IPO5: variants seen among roughly 807,000 people sequenced by gnomAD.
The protein encoded by IPO5 is importin 5, also known as importin-5.
A neutral mutation model predicts 143.3 loss-of-function variants in IPO5; 18 were observed. The observed-to-expected ratio is 0.13, with a 90% CI of 0.09 to 0.19. IPO5 has a LOEUF of 0.19. Among genes scored for constraint, IPO5 ranks in the 10% least tolerant of loss-of-function variants. The pLI is 1.00. For missense variants in IPO5, 1,013 were observed against 1,336.9 expected (o/e 0.76, Z 3.78); for synonymous variants, 477 against 465.7 (o/e 1.02, Z -0.31).
intron 3 of IPO5, among the ~76,000 whole-genome samples, chr13:97,972,235 A>T (rs1361104674): frequency 6.6e-6 from 1 of 152,234 alleles, no homozygotes; most frequent in Non-Finnish European, 1.5e-5. Flanking sequence ...GCACTCTGCA[A>T]ACCAGAAAGG....
At chr13:97,989,014 T>A (rs1230349558) in intron 6 of IPO5, 48 bp from the exon 7 acceptor site, 1 of 1,036,538 alleles carries the variant, frequency 9.6e-7, no homozygotes. Context: ...CCTAGTATAT[T>A]GAAGTTCTGA....
Position 98,018,640 on chromosome 13 carries a change from A to G in IPO5, c.2772A>G (p.Ala924=). The change falls in exon 26 of 29, where the codon GCA becomes GCG. Residue 924 remains alanine (A), a synonymous_variant. Transcript: ENST00000651721. ...VCDNSPEVRQ[A]AAYGLGVMAQ... The stretch of plus-strand genomic sequence containing the variant: ...ACAACAGCCCAGAAGTCAGGCAAGC[A>G]GCTGCATATGGCCTGGGAGTCATGG... The G allele has an allele frequency of 6.2e-7, 1 of 1,614,232 alleles. No homozygotes were observed. The highest frequency in any genetic ancestry group is 8.5e-7 in the Non-Finnish European group (1 of 1,180,034).
chr13:97,985,783 G>C (rs1887290528), intron 6 of IPO5, among the ~76,000 whole-genome samples, 170 bp downstream of exon 6: 1 of 151,906 alleles, frequency 6.6e-6, no homozygotes, highest in African/African-American at 2.4e-5. Context: ...ATTACAGATA[G>C]ATGTTTGTGA....
intron 21 of IPO5, 27 bp from the exon 22 acceptor site, chr13:98,014,015 T>C (rs1049899402): frequency 7.3e-5 from 117 of 1,592,398 alleles, no homozygotes; most frequent in Non-Finnish European, 9.7e-5. Flanking sequence ...TAATAAACAG[T>C]CTTTTGAGGT....
Position 98,021,737 on chromosome 13 carries a change from C to G in IPO5, c.3209C>G (p.Thr1070Ser). ...RLANVVRQVQTSGGLWTECIA... is the reference protein window; with the variant it reads ...RLANVVRQVQSSGGLWTECIA... ...CTGTGAAAATGTTTCTTTCCCTAGACTTCTGGAGGACTGTGGACTGAGTGC... is the reference window on the plus strand; with the variant it reads ...CTGTGAAAATGTTTCTTTCCCTAGAGTTCTGGAGGACTGTGGACTGAGTGC... The change falls in exon 29 of 29, where the codon ACT (threonine) becomes AGT (serine). Residue 1070 changes from threonine (T) to serine (S), a missense_variant and splice_region_variant. This residue lies in a region of IPO5 where 685 missense variants were observed against 994.9 expected (regional missense o/e 0.69). Transcript: ENST00000651721. The G allele has an allele frequency of 6.5e-7, 1 of 1,535,490 alleles. No homozygotes were observed. Among genetic ancestry groups the G allele is most frequent in the Non-Finnish European group, 8.9e-7 (1 of 1,128,594 alleles).
intron 3 of IPO5, among the ~76,000 whole-genome samples, chr13:97,972,692 G>GT (rs1885921392): frequency 1.3e-5 from 2 of 152,090 alleles, no homozygotes; most frequent in South Asian, 2.1e-4. Flanking sequence ...TTTTGTTTTT[G>GT]TTTTTTTATT....
intron 6 of IPO5, among the ~76,000 whole-genome samples, chr13:97,986,334 T>TA (rs932565359): frequency 1.3e-5 from 2 of 152,090 alleles, no homozygotes; most frequent in African/African-American, 2.4e-5. Flanking sequence ...CATATACTGT[T>TA]ACGTAGCTAT....
intron 2 of IPO5, among the ~76,000 whole-genome samples, chr13:97,958,550 A>G (rs1884626630): frequency 6.6e-6 from 1 of 151,628 alleles, no homozygotes. Flanking sequence ...CCTCTATCTC[A>G]TTTTGTGTTT....
intron 3 of IPO5, chr13:97,975,680 AAAC>A (rs1464228478): frequency 1.3e-5 from 2 of 152,302 alleles, no homozygotes; most frequent in African/African-American, 4.8e-5. Flanking sequence ...TCAGCCCTGT[AAAC>A]CAGGGCTCCT....
At chr13:97,992,110 T>G (rs1252420487) in intron 9 of IPO5, among the ~76,000 whole-genome samples, 1 of 152,230 alleles carries the variant, frequency 6.6e-6, no homozygotes, top group South Asian at 2.1e-4. Flanking sequence ...AAAGATAGTT[T>G]CGTGACAGAA....
chr13:97,963,750 CAG>C (rs1311264482), intron 2 of IPO5, among the ~76,000 whole-genome samples: 4 of 152,166 alleles, frequency 2.6e-5, no homozygotes, highest in Admixed American at 1.3e-4. Flanking sequence ...TTTGGTTACT[CAG>C]AGTCTCTTGC....
At position 97,964,542 on chromosome 13, in the gene IPO5, G is replaced by A. The variant is rs142473044; in HGVS notation, c.-112-5181G>A. ...GGCTCACTGCAAGCTCCGCCTCCCG[G>A]GTTCATGCCATTCTCCTGCCGAGTA... On this transcript the variant is annotated intron_variant, in intron 2 of 28. Coordinates refer to ENST00000651721, the MANE Select transcript of IPO5 (RefSeq NM_002271.6). Among the ~76,000 whole-genome samples, 1,177 of 150,392 alleles carry A rather than the reference G, an allele frequency of 7.8e-3. 15 individuals carry two copies. Among genetic ancestry groups the A allele is most frequent in the Non-Finnish European group, 9.4e-3 (637 of 67,720 alleles).
At chr13:97,980,891 A>T (rs181043803) in intron 4 of IPO5, among the ~76,000 whole-genome samples, 29 of 152,258 alleles carry the variant, frequency 1.9e-4, no homozygotes, top group Admixed American at 8.5e-4. Context: ...TAAGTGTTAA[A>T]CATTGATCAC....
intron 11 of IPO5, 27 bp from the exon 12 acceptor site, chr13:97,997,504 C>A: frequency 1.5e-6 from 2 of 1,316,138 alleles, no homozygotes; most frequent in Non-Finnish European, 2.2e-6. Flanking sequence ...TCACAGTCTT[C>A]GGGTATGAAA....
chr13:98,008,712 T>A (rs1296562201), intron 18 of IPO5, among the ~76,000 whole-genome samples: 2 of 152,162 alleles, frequency 1.3e-5, no homozygotes, highest in Admixed American at 6.5e-5. Flanking sequence ...TGCTCACAGT[T>A]CTCATCCTTT....
At chr13:97,983,298 A>G (rs943250194) in intron 5 of IPO5, among the ~76,000 whole-genome samples, 1 of 152,232 alleles carries the variant, frequency 6.6e-6, no homozygotes, top group African/African-American at 2.4e-5. Flanking sequence ...CCATCTTTAA[A>G]AATTTATGCT....
At position 97,990,143 on chromosome 13, in the gene IPO5, T is replaced by C; in HGVS notation, c.485T>C (p.Phe162Ser). 1 of 1,611,018 alleles carries C rather than the reference T, an allele frequency of 6.2e-7. No homozygotes were observed. Among genetic ancestry groups the C allele is most frequent in the Non-Finnish European group, 8.5e-7 (1 of 1,177,468 alleles). The change falls in exon 8 of 29, where the codon TTT becomes TCT. Residue 162 changes from phenylalanine (F) to serine (S), a missense_variant. Phe to Ser is a radical substitution (Grantham distance 155, BLOSUM62 -2). This residue lies in a region of IPO5 where 328 missense variants were observed against 342.0 expected (regional missense o/e 0.96). Coordinates refer to ENST00000651721, the MANE Select transcript of IPO5 (RefSeq NM_002271.6). ...TCTTTTAGGAACTTTCCTGGAATTTTTGGGAACCAGCAACAACACTATTTA... is the reference window on the plus strand; with the variant it reads ...TCTTTTAGGAACTTTCCTGGAATTTCTGGGAACCAGCAACAACACTATTTA... Reference protein sequence around the residue: ...LHIFWNFPGIFGNQQQHYLDV... With the variant: ...LHIFWNFPGISGNQQQHYLDV...
At chr13:97,992,359 T>G (rs1307452451) in intron 9 of IPO5, among the ~76,000 whole-genome samples, 1 of 152,210 alleles carries the variant, frequency 6.6e-6, no homozygotes, top group African/African-American at 2.4e-5. Context: ...ACACTTTAAA[T>G]GTATTACAGG....
intron 22 of IPO5, 41 bp downstream of exon 22, chr13:98,014,255 G>T: frequency 1.4e-6 from 2 of 1,406,390 alleles, no homozygotes; most frequent in South Asian, 1.3e-5. Context: ...AAGGTTGTAT[G>T]TTCATTTATT....
Sources: allele counts gnomAD v4.1 joint callset (sites outside exome capture counted in the v4.1 genomes callset), GRCh38; gene constraint gnomAD v4.1.1; regional missense constraint gnomAD v4.1.1; transcripts MANE v1.5; gene names NCBI Gene and HGNC (gene_info 2026-07-23, HGNC 2026-07-21).